Variants in NEGR1 observed in about 807,000 individuals in gnomAD.
The protein encoded by NEGR1 is neuronal growth regulator 1, also known as IgLON family member 4.
In NEGR1, 10 loss-of-function variants were observed where a neutral mutation model predicts 40.9. That is an observed-to-expected ratio of 0.24 (90% CI 0.15 to 0.42). The LOEUF is 0.42. Among genes scored for constraint, NEGR1 ranks in the 10% least tolerant of loss-of-function variants. The probability of loss-of-function intolerance (pLI) is 1.00; values close to 1 mark genes in which losing one functional copy is unlikely to be tolerated. For missense variants in NEGR1, 352 were observed against 438.9 expected, an observed-to-expected ratio of 0.80 and a Z score of 1.77; for synonymous variants, 185 against 166.8, an observed-to-expected ratio of 1.11 and a Z score of -0.84.
chr1:72,267,912 A>G (rs547028366), intron 1 of NEGR1, among the ~76,000 whole-genome samples: 1 of 151,216 alleles, frequency 6.6e-6, no homozygotes, highest in Non-Finnish European at 1.5e-5. Flanking sequence ...TCAAAAACTG[A>G]TGATAAATTT....
At chr1:71,806,730 G>A (rs764328188) in intron 2 of NEGR1, among the ~76,000 whole-genome samples, 1 of 151,930 alleles carries the variant, frequency 6.6e-6, no homozygotes, top group Non-Finnish European at 1.5e-5. Flanking sequence ...TTTAAAAAGT[G>A]GGTAGTTAAT....
chr1:72,138,931 A>G (rs1259798916), intron 1 of NEGR1, among the ~76,000 whole-genome samples: 1 of 152,058 alleles, frequency 6.6e-6, no homozygotes, highest in Non-Finnish European at 1.5e-5. Context: ...TTATGTATAA[A>G]GATACACCAT....
intron 6 of NEGR1, among the ~76,000 whole-genome samples, chr1:71,443,568 G>A (rs1171000160): frequency 1.3e-5 from 2 of 152,280 alleles, no homozygotes; most frequent in Non-Finnish European, 2.9e-5. Context: ...TTGATCAGAT[G>A]CATGAATGAA....
intron 1 of NEGR1, among the ~76,000 whole-genome samples, chr1:72,162,809 A>G (rs879887795): frequency 6.6e-6 from 1 of 152,186 alleles, no homozygotes; most frequent in Non-Finnish European, 1.5e-5. Context: ...ACTGCAGAGG[A>G]TAGCAGTATT....
intron 1 of NEGR1, among the ~76,000 whole-genome samples, chr1:72,009,677 G>A (rs1646639786): frequency 6.6e-6 from 1 of 152,004 alleles, no homozygotes; most frequent in Admixed American, 6.6e-5. Flanking sequence ...TTACAGTTTT[G>A]TCTCTTGGCA....
chr1:71,954,933 T>C (rs1646107036), intron 1 of NEGR1, among the ~76,000 whole-genome samples: 1 of 152,118 alleles, frequency 6.6e-6, no homozygotes, highest in Non-Finnish European at 1.5e-5. Flanking sequence ...TAATAAAATA[T>C]GCAAAAGTAA....
chr1:72,088,666 C>G (rs1648322203), intron 1 of NEGR1, among the ~76,000 whole-genome samples: 1 of 152,026 alleles, frequency 6.6e-6, no homozygotes, highest in Non-Finnish European at 1.5e-5. Context: ...GTGTTCAACA[C>G]TAAATCGTAC....
At chr1:71,541,485 A>T (rs140984186) in intron 6 of NEGR1, among the ~76,000 whole-genome samples, 4 of 151,872 alleles carry the variant, frequency 2.6e-5, no homozygotes, top group African/African-American at 9.6e-5. Flanking sequence ...CATTTTGGGG[A>T]TATATAAATA....
chr1:71,762,295 A>G (rs1232283753), intron 3 of NEGR1, among the ~76,000 whole-genome samples: 4 of 151,996 alleles, frequency 2.6e-5, no homozygotes, highest in Non-Finnish European at 4.4e-5. Flanking sequence ...GAAAAAAGAA[A>G]AAGTCAGACT....
intron 3 of NEGR1, among the ~76,000 whole-genome samples, chr1:71,758,429 T>G (rs983889933): frequency 2.6e-5 from 4 of 152,102 alleles, no homozygotes; most frequent in African/African-American, 9.7e-5. Flanking sequence ...AACATGTAGT[T>G]TCACTTGCCC....
At chr1:71,434,751 C>G (rs1646495037) in intron 6 of NEGR1, among the ~76,000 whole-genome samples, 1 of 152,108 alleles carries the variant, frequency 6.6e-6, no homozygotes, top group African/African-American at 2.4e-5. Flanking sequence ...GCTGCCACTT[C>G]AAGACAAATA....
At position 71,999,676 on chromosome 1, in the gene NEGR1, T is replaced by C. The variant is rs933982459; in HGVS notation, c.177-64365A>G. On this transcript the variant is annotated intron_variant, in intron 1 of 6. Transcript: ENST00000357731. ...ATATATATATATATATATATATATA[T>C]ATACATACATATTTTTGTCCGGTCT... Among the ~76,000 whole-genome samples the C allele has an allele frequency of 6.3e-3, 327 of 52,096 alleles. 6 individuals are homozygous for C. The highest frequency in any genetic ancestry group is 9.4e-3 in the South Asian group (9 of 956). The allele number at this position is 52,096 out of a possible 152,430, so 34.2% of individuals were successfully genotyped here.
At chr1:72,065,946 G>T (rs1647261402) in intron 1 of NEGR1, among the ~76,000 whole-genome samples, 1 of 151,998 alleles carries the variant, frequency 6.6e-6, no homozygotes, top group African/African-American at 2.4e-5. Flanking sequence ...AACCAAGAAA[G>T]CCTGAGAAAA....
At chr1:71,609,811 T>G (rs1488028074) in intron 5 of NEGR1, among the ~76,000 whole-genome samples, 1 of 152,188 alleles carries the variant, frequency 6.6e-6, no homozygotes, top group East Asian at 1.9e-4. Flanking sequence ...CCACCCAAAA[T>G]CTCATCCTGA....
At chr1:71,522,755 A>ACG (rs1647168842) in intron 6 of NEGR1, among the ~76,000 whole-genome samples, 1 of 148,046 alleles carries the variant, frequency 6.8e-6, no homozygotes, top group Admixed American at 6.8e-5. Flanking sequence ...ACACACACAC[A>ACG]CGCACAATAC....
chr1:71,955,812 G>A (rs771505020), intron 1 of NEGR1, among the ~76,000 whole-genome samples: 8 of 152,080 alleles, frequency 5.3e-5, no homozygotes, highest in Non-Finnish European at 1.0e-4. Flanking sequence ...TTTTCTGGCC[G>A]ATAGCACGAA....
intron 6 of NEGR1, among the ~76,000 whole-genome samples, chr1:71,448,431 T>A (rs1489299260): frequency 6.6e-6 from 1 of 152,040 alleles, no homozygotes; most frequent in Non-Finnish European, 1.5e-5. Flanking sequence ...AAACCGCATC[T>A]CTACTAAAAA....
chr1:71,942,484 T>TATATATATATATATATATATATA (rs34446850), intron 1 of NEGR1, among the ~76,000 whole-genome samples: 4 of 4,734 alleles, frequency 8.4e-4, no homozygotes, highest in African/African-American at 8.6e-4. Flanking sequence ...TATATATATA[T>TATATATATATATATATATATATA]TTTTTTTTTT....
intron 1 of NEGR1, among the ~76,000 whole-genome samples, chr1:72,200,449 G>A (rs2100445595): frequency 6.6e-6 from 1 of 152,010 alleles, no homozygotes; most frequent in South Asian, 2.1e-4. Flanking sequence ...CTCACTTACA[G>A]GTGGGAGCTA....
Sources: allele counts gnomAD v4.1 joint callset (sites outside exome capture counted in the v4.1 genomes callset), GRCh38; gene constraint gnomAD v4.1.1; transcripts MANE v1.5; gene names NCBI Gene and HGNC (gene_info 2026-07-23, HGNC 2026-07-21).